MID1: variants seen among roughly 807,000 people sequenced by gnomAD.
MID1 encodes the protein E3 ubiquitin-protein ligase Midline-1.
In MID1, 7 loss-of-function variants were observed where a neutral mutation model predicts 40.4. The observed-to-expected ratio is 0.17, with a 90% confidence interval of 0.10 to 0.33. The LOEUF is 0.33. MID1 is among the 10% of genes least tolerant of loss of function. The probability of loss-of-function intolerance (pLI) is 1.00; values close to 1 mark genes in which losing one functional copy is unlikely to be tolerated. For synonymous variants in MID1, 229 were observed against 221.2 expected (o/e 1.04, Z -0.31); for missense variants, 367 against 558.5 (o/e 0.66, Z 3.46).
chrX:10,760,367 T>C (rs748292102), intron 1 of MID1, among the ~76,000 whole-genome samples: 7 of 112,327 alleles, frequency 6.2e-5, no homozygotes, highest in African/African-American at 1.6e-4. Context: ...ACATTCTTTA[T>C]GCCAAAACTG....
At chrX:10,824,973 C>A (rs1407326071) in intron 1 of MID1, among the ~76,000 whole-genome samples, 2 of 111,350 alleles carry the variant, frequency 1.8e-5, no homozygotes, top group African/African-American at 6.5e-5. Context: ...AAATGGGTTG[C>A]CTCCCACTCT....
At chrX:10,565,669 A>G (rs1314116203) in intron 2 of MID1, among the ~76,000 whole-genome samples, 1 of 111,782 alleles carries the variant, frequency 8.9e-6, no homozygotes, top group Non-Finnish European at 1.9e-5. Context: ...AAATTAGCTG[A>G]TGAACATAGT....
intron 1 of MID1, among the ~76,000 whole-genome samples, chrX:10,659,379 G>A (rs1388825508): frequency 9.0e-6 from 1 of 111,370 alleles, no homozygotes; most frequent in African/African-American, 3.3e-5. Flanking sequence ...ATCAACGAAG[G>A]GGAACAGATG....
chrX:10,465,187 TTATATATATA>T (rs1170214071), intron 7 of MID1, among the ~76,000 whole-genome samples: 4 of 48,094 alleles, frequency 8.3e-5, no homozygotes, highest in African/African-American at 3.6e-4. Context: ...GTCTGAAATT[TTATATATATA>T]TATATATATA....
chrX:10,721,431 T>C (rs952881876), intron 1 of MID1, among the ~76,000 whole-genome samples: 1 of 110,641 alleles, frequency 9.0e-6, no homozygotes, highest in African/African-American at 3.3e-5. Flanking sequence ...GAATAACAGA[T>C]TTAAGAGGTT....
At chrX:10,709,504 G>C (rs928956789) in intron 1 of MID1, among the ~76,000 whole-genome samples, 1 of 111,983 alleles carries the variant, frequency 8.9e-6, no homozygotes, top group African/African-American at 3.2e-5. Flanking sequence ...TGGCTCATTT[G>C]TCTAAGAAAG....
chrX:10,752,848 T>G (rs1320068022), intron 1 of MID1, among the ~76,000 whole-genome samples: 1 of 112,228 alleles, frequency 8.9e-6, no homozygotes, highest in Non-Finnish European at 1.9e-5. Context: ...GAAATTAACT[T>G]GCCCAGTTAC....
At chrX:10,764,681 C>T (rs2043708036) in intron 1 of MID1, among the ~76,000 whole-genome samples, 1 of 111,333 alleles carries the variant, frequency 9.0e-6, no homozygotes, top group Non-Finnish European at 1.9e-5. Flanking sequence ...CAAATTCTGC[C>T]TGGCAGGCTG....
chrX:10,694,413 C>T (rs1472526182), intron 1 of MID1, among the ~76,000 whole-genome samples: 1 of 112,344 alleles, frequency 8.9e-6, no homozygotes, highest in Non-Finnish European at 1.9e-5. Flanking sequence ...TCACTGAGCA[C>T]TCCTGCATGC....
At chrX:10,574,461 T>C in intron 1 of MID1, among the ~76,000 whole-genome samples, 1 of 112,232 alleles carries the variant, frequency 8.9e-6, no homozygotes, top group East Asian at 2.8e-4. Flanking sequence ...ATAATGAATT[T>C]GCATTGTTTA....
intron 1 of MID1, among the ~76,000 whole-genome samples, chrX:10,599,081 T>C (rs1935468613): frequency 8.9e-6 from 1 of 111,955 alleles, no homozygotes; most frequent in African/African-American, 3.3e-5. Flanking sequence ...GGTCTCTGAC[T>C]GACTTCTTAA....
chrX:10,460,149 G>A lies in MID1; in HGVS notation c.1286-342C>T, dbSNP rs1928937578. 8.8e-5 allele frequency: 26 copies of A among 296,301 alleles called. No individual in the cohort carries two copies. In the South Asian group the frequency reaches 9.6e-4, roughly 11 times the overall value. 24.4% of individuals were successfully genotyped at this position (296,301 alleles called of 1,213,427 possible). A position where few individuals can be genotyped will look rare whatever the true frequency, so the allele number is the denominator to read the frequency against. ...TGAAATGACAATGTGCTAGTTGCAAGAGTAGGCATGACAAAACCTTGAGGG... is the reference window on the plus strand; with the variant it reads ...TGAAATGACAATGTGCTAGTTGCAAAAGTAGGCATGACAAAACCTTGAGGG... On this transcript the variant is annotated intron_variant, in intron 7 of 9. Coordinates refer to ENST00000317552, the MANE Select transcript of MID1 (RefSeq NM_000381.4).
chrX:10,565,518 AAC>A (rs751792998), intron 2 of MID1: 65 of 329,290 alleles, frequency 2.0e-4, no homozygotes, highest in South Asian at 1.6e-3. Flanking sequence ...TCTAAGTGAT[AAC>A]ACTCTTTTGA....
intron 5 of MID1, among the ~76,000 whole-genome samples, chrX:10,479,544 G>A (rs1007086009): frequency 7.3e-5 from 8 of 109,755 alleles, no homozygotes; most frequent in African/African-American, 2.7e-4. Flanking sequence ...CTCTATGTCC[G>A]TGAGTTCAAT....
chrX:10,814,433 TTGAAA>T (rs2044121696), intron 1 of MID1, among the ~76,000 whole-genome samples: 2 of 111,507 alleles, frequency 1.8e-5, no homozygotes, highest in Non-Finnish European at 3.8e-5. Context: ...GAAATTTCAA[TTGAAA>T]TAATTGTAGA....
At chrX:10,479,793 C>T (rs185543990) in intron 5 of MID1, among the ~76,000 whole-genome samples, 1 of 112,110 alleles carries the variant, frequency 8.9e-6, no homozygotes, top group African/African-American at 3.2e-5. Context: ...AAAAGTGCTG[C>T]AGCAAACACA....
At chrX:10,484,254 C>T (rs1253497650) in intron 4 of MID1, among the ~76,000 whole-genome samples, 2 of 112,241 alleles carry the variant, frequency 1.8e-5, no homozygotes, top group East Asian at 5.6e-4. Context: ...AATCACACAG[C>T]ATAAAGAATC....
intron 3 of MID1, among the ~76,000 whole-genome samples, chrX:10,514,562 T>C (rs927137180): frequency 3.6e-5 from 4 of 112,306 alleles, no homozygotes; most frequent in African/African-American, 1.3e-4. Flanking sequence ...TACATTTGCT[T>C]CATGAGTTGT....
Position 10,495,555 on chromosome X carries a change from T to A in MID1, c.864+29A>T, listed in dbSNP as rs376700718. 4.8e-6 allele frequency: 5 copies of A among 1,049,022 alleles called. No homozygotes were observed. The African/African-American group carries it at 9.2e-5, about 19-fold the overall frequency. 86.5% of individuals were successfully genotyped at this position (1,049,022 alleles called of 1,213,427 possible). A position where few individuals can be genotyped will look rare whatever the true frequency, so the allele number is the denominator to read the frequency against. ...GGATTTATTTTCTCCAGGTAGAGAA[T>A]ATGAAATCTTCTGCCCTAGAAATCA... is the stretch of plus-strand genomic sequence containing the variant. On this transcript the variant is annotated intron_variant, in intron 4 of 9. Transcript: ENST00000317552.
Sources: gnomAD v4.1 joint callset for allele counts (sites outside exome capture counted in the v4.1 genomes callset) on GRCh38, gnomAD v4.1.1 for gene constraint, MANE v1.5 for transcripts, NCBI Gene and HGNC (gene_info 2026-07-23, HGNC 2026-07-21) for gene names.